The following AAK1 variants were observed in gnomAD, a reference collection of about 807,000 sequenced individuals.
AAK1 encodes AP2 associated kinase 1.
AAK1 carries 37 observed loss-of-function variants against 116.0 expected under a neutral mutation model. That is an observed-to-expected ratio of 0.32 (90% CI 0.25 to 0.42). The LOEUF is 0.42. AAK1 is among the 10% of genes least tolerant of loss of function. The probability of loss-of-function intolerance (pLI) is 1.00; values close to 1 mark genes in which losing one functional copy is unlikely to be tolerated. For missense variants in AAK1, 919 were observed against 1,170.6 expected (o/e 0.79, Z 3.14); for synonymous variants, 458 against 439.9 (o/e 1.04, Z -0.51).
At position 69,544,561 on chromosome 2, in the gene AAK1, AG is replaced by A. The variant is rs778293977; in HGVS notation, c.283-18del. The A allele has an allele frequency of 6.4e-5, 100 of 1,565,490 alleles. No individual in the cohort carries two copies. Among genetic ancestry groups the A allele is most frequent in the Non-Finnish European group, 8.2e-5 (93 of 1,136,096 alleles). ...AAGATCCCTCTGTGAACAAGAGAGG[AG>A]AAATATATTGTTAGTTTCAGATGCC... is the stretch of plus-strand genomic sequence containing the variant. On this transcript the variant is annotated intron_variant, in intron 3 of 21. Coordinates refer to ENST00000409085, the MANE Select transcript of AAK1 (RefSeq NM_014911.5).
intron 2 of AAK1, among the ~76,000 whole-genome samples, chr2:69,616,930 C>T (rs79697391): frequency 0.015 from 2,274 of 152,244 alleles, 59 homozygotes; most frequent in African/African-American, 0.05. Context: ...AAGCCACCCA[C>T]GAGGGACCTG....
At chr2:69,572,940 C>T (rs1471337579) in intron 2 of AAK1, among the ~76,000 whole-genome samples, 1 of 152,094 alleles carries the variant, frequency 6.6e-6, no homozygotes, top group Non-Finnish European at 1.5e-5. Flanking sequence ...GAAGCTCCAG[C>T]GATGCAGTAA....
At position 69,461,861 on chromosome 2, in the gene AAK1, G is replaced by A; in HGVS notation, c.*14008C>T. The A allele has an allele frequency of 4.7e-6, 1 of 210,972 alleles. No individual in the cohort carries two copies. The allele number at this position is 210,972 out of a possible 1,614,324, so 13.1% of individuals were successfully genotyped here. On this transcript the variant is annotated 3_prime_UTR_variant, in exon 22 of 22. Coordinates refer to ENST00000409085, the MANE Select transcript of AAK1 (RefSeq NM_014911.5). ...CCCACCTCGGCCTCCCAAAGTGCTG[G>A]GATTACAAGCGTGAGCCACCGCGCC...
rs1675066121 is a variant in AAK1, at chr2:69,480,932, T to C, written c.2497A>G (p.Ile833Val). Residue 833 changes from isoleucine to valine, a missense_variant, in exon 19 of 22, where the codon ATA becomes GTA. Physicochemically the swap from Ile to Val is conservative, Grantham distance 29 (BLOSUM62 3). Around this residue, in one of 4 missense-constraint regions of AAK1, gnomAD observed 263 missense variants for 285.5 expected, o/e 0.92. Coordinates refer to ENST00000409085, the MANE Select transcript of AAK1 (RefSeq NM_014911.5). ...EKADVAVESL[I>V]PGLEPPVPQR... Reference sequence around the variant, plus strand: ...GGAACTGGGGGCTCCAGTCCTGGTATGAGACTCTCAACAGCAACATCAGCT... The same window carrying C: ...GGAACTGGGGGCTCCAGTCCTGGTACGAGACTCTCAACAGCAACATCAGCT... The C allele has an allele frequency of 6.2e-7, 1 of 1,607,322 alleles. No individual in the cohort carries two copies. The highest frequency in any genetic ancestry group is 1.3e-5 in the African/African-American group (1 of 74,956).
chr2:69,626,301 G>C (rs1674894633), intron 2 of AAK1, among the ~76,000 whole-genome samples: 1 of 151,358 alleles, frequency 6.6e-6, no homozygotes, highest in South Asian at 2.1e-4. Context: ...CCCTGATTCA[G>C]CATCCACCTC....
chr2:69,628,373 G>A (rs1347285475), intron 2 of AAK1, among the ~76,000 whole-genome samples: 1 of 151,534 alleles, frequency 6.6e-6, no homozygotes, highest in Non-Finnish European at 1.5e-5. Flanking sequence ...CCCAAATAGT[G>A]TCAACAAAAA....
intron 2 of AAK1, among the ~76,000 whole-genome samples, chr2:69,641,267 AGTGTTCT>A (rs1675712068): frequency 6.6e-6 from 1 of 152,166 alleles, no homozygotes; most frequent in African/African-American, 2.4e-5. Flanking sequence ...AGGGGAGGAA[AGTGTTCT>A]GTGGCCCTTC....
chr2:69,509,102 AAACAC>A, intron 14 of AAK1, 124 bp downstream of exon 14: 2 of 737,650 alleles, frequency 2.7e-6, no homozygotes, highest in Non-Finnish European at 2.2e-6. Flanking sequence ...AAAAATAAAC[AAACAC>A]AAGTACACAC....
rs990635962 is a variant in AAK1 at position 69,474,921 on chromosome 2, A to G, written c.*948T>C. On this transcript the variant is annotated 3_prime_UTR_variant, in exon 22 of 22. Transcript: ENST00000409085. ...CAATATTTGATTCAAAATAAAAATC[A>G]CAAGAAAAATACATCTGTTTCTGCT... The G allele has an allele frequency of 2.0e-6, 2 of 985,608 alleles. No individual in the cohort carries two copies. Among genetic ancestry groups the G allele is most frequent in the African/African-American group, 3.5e-5 (2 of 57,358 alleles). 61.1% of individuals were successfully genotyped at this position (985,608 alleles called of 1,614,324 possible).
At chr2:69,605,256 CCATT>C (rs1386864954) in intron 2 of AAK1, among the ~76,000 whole-genome samples, 2 of 152,134 alleles carry the variant, frequency 1.3e-5, no homozygotes, top group Non-Finnish European at 2.9e-5. Context: ...CTTGTTTCCT[CCATT>C]CAACAACAAA....
In AAK1 at chr2:69,567,950, G is replaced by C. The variant is rs576279571; in HGVS notation, c.164-10972C>G. On this transcript the variant is annotated intron_variant, in intron 2 of 21. Coordinates refer to ENST00000409085, the MANE Select transcript of AAK1 (RefSeq NM_014911.5). ...CATGCTCGATCCTGAAGCATCCCTTGCCTAAAGGAATGGAGAGCCTCTTGG... is the reference window on the plus strand; with the variant it reads ...CATGCTCGATCCTGAAGCATCCCTTCCCTAAAGGAATGGAGAGCCTCTTGG... 3.3e-5 allele frequency among the ~76,000 whole-genome samples: 5 copies of C among 152,314 alleles called. No homozygotes were observed. In the South Asian group the frequency reaches 1.0e-3, roughly 32 times the overall value.
At chr2:69,527,928 C>A (rs1020618620) in intron 8 of AAK1, among the ~76,000 whole-genome samples, 4 of 152,162 alleles carry the variant, frequency 2.6e-5, no homozygotes, top group African/African-American at 9.7e-5. Context: ...CACAAACATA[C>A]ACATACACAT....
intron 2 of AAK1, among the ~76,000 whole-genome samples, chr2:69,614,770 G>T (rs759325040): frequency 1.3e-5 from 2 of 152,152 alleles, no homozygotes; most frequent in Non-Finnish European, 2.9e-5. Flanking sequence ...TAAATCTAAT[G>T]ATAAGTGTCC....
intron 5 of AAK1, among the ~76,000 whole-genome samples, chr2:69,534,451 T>C (rs865808964): frequency 2.0e-5 from 3 of 152,184 alleles, no homozygotes; most frequent in South Asian, 4.1e-4. Flanking sequence ...TGTTCAGAAA[T>C]GCCCCCACAA....
At chr2:69,613,105 AG>A (rs1278655752) in intron 2 of AAK1, among the ~76,000 whole-genome samples, 1 of 152,206 alleles carries the variant, frequency 6.6e-6, no homozygotes, top group Non-Finnish European at 1.5e-5. Context: ...CATCTTGTCA[AG>A]GAAGATGAGA....
intron 3 of AAK1, among the ~76,000 whole-genome samples, chr2:69,547,390 G>A (rs1419681409): frequency 1.3e-5 from 2 of 152,158 alleles, no homozygotes; most frequent in African/African-American, 4.8e-5. Context: ...TCCAGAATAT[G>A]TGAAGAACCC....
At chr2:69,561,365 A>C (rs79352962) in intron 2 of AAK1, among the ~76,000 whole-genome samples, 2 of 152,206 alleles carry the variant, frequency 1.3e-5, no homozygotes, top group African/African-American at 4.8e-5. Context: ...ATGAGTTTAC[A>C]GAATACTCCT....
intron 16 of AAK1, among the ~76,000 whole-genome samples, chr2:69,504,194 C>T (rs1053187225): frequency 2.0e-5 from 3 of 150,812 alleles, no homozygotes; most frequent in Non-Finnish European, 3.0e-5. Context: ...CTCAGGAGTT[C>T]GAGACTAGCA....
At chr2:69,537,663 G>A (rs1320362546) in intron 5 of AAK1, among the ~76,000 whole-genome samples, 3 of 152,236 alleles carry the variant, frequency 2.0e-5, no homozygotes, top group Non-Finnish European at 2.9e-5. Flanking sequence ...GTGACATGGA[G>A]CTCAGAGTCG....
Sources: allele counts gnomAD v4.1 joint callset (sites outside exome capture counted in the v4.1 genomes callset), GRCh38; gene constraint gnomAD v4.1.1; regional missense constraint gnomAD v4.1.1; transcripts MANE v1.5; gene names NCBI Gene and HGNC (gene_info 2026-07-23, HGNC 2026-07-21).